CRISPLD2: variants seen among roughly 807,000 people sequenced by gnomAD.
The protein encoded by CRISPLD2 is cysteine-rich secretory protein LCCL domain-containing 2.
In CRISPLD2, 47 loss-of-function variants were observed where a neutral mutation model predicts 71.1. The observed-to-expected ratio is 0.66, with a 90% CI of 0.52 to 0.84. CRISPLD2 has a LOEUF of 0.84. CRISPLD2 is among the 40% of genes least tolerant of loss of function. The pLI is 0.00. For synonymous variants in CRISPLD2, 317 were observed against 250.1 expected, an observed-to-expected ratio of 1.27 and a Z score of -2.52; for missense variants, 830 against 651.1, an observed-to-expected ratio of 1.27 and a Z score of -2.99.
At chr16:84,824,099 C>T (rs184476290) in intron 1 of CRISPLD2, among the ~76,000 whole-genome samples, 1 of 151,834 alleles carries the variant, frequency 6.6e-6, no homozygotes, top group East Asian at 1.9e-4. Context: ...CAGGGTTTTG[C>T]GAGCAGGGGA....
At chr16:84,896,881 C>G (rs1255772331) in intron 14 of CRISPLD2, among the ~76,000 whole-genome samples, 1 of 152,242 alleles carries the variant, frequency 6.6e-6, no homozygotes, top group Non-Finnish European at 1.5e-5. Context: ...CTTCTGCCGT[C>G]CTTTTAGTGC....
At chr16:84,877,998 C>G (rs2071535188) in intron 12 of CRISPLD2, among the ~76,000 whole-genome samples, 1 of 147,590 alleles carries the variant, frequency 6.8e-6, no homozygotes, top group Non-Finnish European at 1.5e-5. Flanking sequence ...ATCACGAGGT[C>G]AGGAGATCGA....
intron 8 of CRISPLD2, among the ~76,000 whole-genome samples, chr16:84,871,711 G>A (rs970655451): frequency 6.6e-6 from 1 of 151,756 alleles, no homozygotes; most frequent in East Asian, 1.9e-4. Context: ...GCCACCACAC[G>A]CGGCTAATTT....
At chr16:84,897,503 C>T (rs539418718) in intron 14 of CRISPLD2, among the ~76,000 whole-genome samples, 1 of 152,290 alleles carries the variant, frequency 6.6e-6, no homozygotes, top group South Asian at 2.1e-4. Context: ...ATTTTAAGAT[C>T]TTCATAGCAC....
At chr16:84,859,814 C>T (rs1917334506) in intron 6 of CRISPLD2, among the ~76,000 whole-genome samples, 1 of 152,186 alleles carries the variant, frequency 6.6e-6, no homozygotes, top group African/African-American at 2.4e-5. Context: ...GCTATGCCCA[C>T]CTTACTTTTG....
intron 14 of CRISPLD2, among the ~76,000 whole-genome samples, chr16:84,891,180 C>T (rs960804371): frequency 3.9e-5 from 6 of 152,190 alleles, no homozygotes; most frequent in Non-Finnish European, 7.3e-5. Context: ...CGTAACAGGG[C>T]AATGTTGAAG....
In CRISPLD2 at chr16:84,840,718, T is replaced by C. The variant is rs1916747588; in HGVS notation, c.240+1983T>C. ...AGACGGGGTTTCACCATGTTTGTAT[T>C]TTTATTAGAGACGGGATTTCACCAT... is the stretch of plus-strand genomic sequence containing the variant. On this transcript the variant is annotated intron_variant, in intron 2 of 14. Transcript: ENST00000262424. Among the ~76,000 whole-genome samples, 8 of 152,028 alleles carry C rather than the reference T, an allele frequency of 5.3e-5. No individual in the cohort carries two copies. In the South Asian group the frequency reaches 1.7e-3, roughly 32 times the overall value.
rs1174880344 is a variant in CRISPLD2, at chr16:84,909,007, A to G, written c.*2365A>G. On this transcript the variant is annotated 3_prime_UTR_variant, in exon 15 of 15. Transcript: ENST00000262424. ...CCCGGCCATGGACCTGGCTGTCTTT[A>G]TCATCCCCACAAACATTTTGAAACT... The G allele has an allele frequency of 1.3e-5, 2 of 152,100 alleles. No homozygotes were observed. Among genetic ancestry groups the G allele is most frequent in the African/African-American group, 4.8e-5 (2 of 41,408 alleles). 9.4% of individuals were successfully genotyped at this position (152,100 alleles called of 1,614,324 possible).
At chr16:84,868,289 A>G (rs970442528) in intron 7 of CRISPLD2, among the ~76,000 whole-genome samples, 3 of 152,210 alleles carry the variant, frequency 2.0e-5, no homozygotes, top group African/African-American at 7.2e-5. Flanking sequence ...TTAATAACAT[A>G]CAACGTTTAT....
chr16:84,884,873 C>A (rs1034139451), intron 13 of CRISPLD2, among the ~76,000 whole-genome samples: 1 of 152,218 alleles, frequency 6.6e-6, no homozygotes, highest in African/African-American at 2.4e-5. Flanking sequence ...AGCTCTCAAC[C>A]AGGAGGGTGC....
intron 2 of CRISPLD2, among the ~76,000 whole-genome samples, chr16:84,841,381 A>G (rs1024375050): frequency 1.3e-5 from 2 of 152,088 alleles, no homozygotes; most frequent in Admixed American, 6.5e-5. Context: ...AGCTCTCAAA[A>G]AGCCAGCAGG....
intron 5 of CRISPLD2, among the ~76,000 whole-genome samples, chr16:84,851,507 A>G (rs1917089161): frequency 6.6e-6 from 1 of 152,146 alleles, no homozygotes; most frequent in African/African-American, 2.4e-5. Context: ...GACCTCATTT[A>G]TTTGTTTTGG....
intron 6 of CRISPLD2, among the ~76,000 whole-genome samples, chr16:84,859,849 C>T (rs900265029): frequency 6.6e-6 from 1 of 152,218 alleles, no homozygotes; most frequent in African/African-American, 2.4e-5. Context: ...CCACTTGGCC[C>T]CTGCCACCTT....
At position 84,854,709 on chromosome 16, in the gene CRISPLD2, G is replaced by C. The variant is rs200565110; in HGVS notation, c.609-20G>C. Reference sequence around the variant, plus strand: ...CACGTCGTGGTTCCCTCTGACGGTTGTTTTTGGGTCTGTCCTCAGGGGGAA... The same window carrying C: ...CACGTCGTGGTTCCCTCTGACGGTTCTTTTTGGGTCTGTCCTCAGGGGGAA... On this transcript the variant is annotated intron_variant, in intron 5 of 14. Transcript: ENST00000262424. The C allele has an allele frequency of 5.7e-4, 922 of 1,604,438 alleles. 1 individual carries two copies. In the African/African-American group the frequency reaches 0.011, roughly 20 times the overall value.
chr16:84,847,706 A>C (rs1404264953), intron 3 of CRISPLD2, among the ~76,000 whole-genome samples: 1 of 151,694 alleles, frequency 6.6e-6, no homozygotes, highest in Non-Finnish European at 1.5e-5. Flanking sequence ...AAGCAGGGAG[A>C]TCTGGAATTC....
At chr16:84,879,833 C>G (rs1334512241) in intron 12 of CRISPLD2, among the ~76,000 whole-genome samples, 1 of 152,192 alleles carries the variant, frequency 6.6e-6, no homozygotes, top group East Asian at 1.9e-4. Flanking sequence ...ATTTTGGTTT[C>G]TTGGTCCCTG....
chr16:84,860,420 C>G (rs111311964), intron 6 of CRISPLD2, among the ~76,000 whole-genome samples: 1 of 152,280 alleles, frequency 6.6e-6, no homozygotes, highest in East Asian at 1.9e-4. Flanking sequence ...CACTCCGAAC[C>G]TCACCTCTAG....
intron 8 of CRISPLD2, among the ~76,000 whole-genome samples, chr16:84,869,785 C>T (rs1007786405): frequency 1.3e-5 from 2 of 152,270 alleles, no homozygotes; most frequent in Non-Finnish European, 2.9e-5. Context: ...TGCTGAGAAG[C>T]CGGAGTTGTC....
At position 84,907,355 on chromosome 16, in the gene CRISPLD2, T is replaced by A. The variant is rs1273025165; in HGVS notation, c.*713T>A. 2.0e-5 allele frequency: 3 copies of A among 152,500 alleles called. No individual in the cohort carries two copies. The highest frequency in any genetic ancestry group is 4.4e-5 in the Non-Finnish European group (3 of 68,272). The allele number at this position is 152,500 out of a possible 1,614,324, so 9.4% of individuals were successfully genotyped here. On this transcript the variant is annotated 3_prime_UTR_variant, in exon 15 of 15. Transcript: ENST00000262424. Reference sequence around the variant, plus strand: ...CAGCAGTCACTTCAGAGATGTATCTTGTCTTTGTCAGGCCCTTCGTCTTCA... The same window carrying A: ...CAGCAGTCACTTCAGAGATGTATCTAGTCTTTGTCAGGCCCTTCGTCTTCA...
Sources: allele counts gnomAD v4.1 joint callset (sites outside exome capture counted in the v4.1 genomes callset), GRCh38; gene constraint gnomAD v4.1.1; transcripts MANE v1.5; gene names NCBI Gene and HGNC (gene_info 2026-07-23, HGNC 2026-07-21).